The following SLC7A14 variants were observed in gnomAD, a reference collection of about 807,000 sequenced individuals.
SLC7A14 encodes solute carrier family 7 member 14, also known as gamma-aminobutyric acid transporter SLC7A14.
A neutral mutation model predicts 60.2 loss-of-function variants in SLC7A14; 37 were observed. The ratio of observed to expected loss-of-function variants is 0.61; its 90% confidence interval spans 0.47 to 0.81. The LOEUF (loss-of-function observed/expected upper bound fraction) is 0.81. SLC7A14 is among the 30% of genes least tolerant of loss of function. The pLI is 0.00. For missense variants in SLC7A14, 886 were observed against 982.7 expected (o/e 0.90, Z 1.32); for synonymous variants, 399 against 395.8 (o/e 1.01, Z -0.10).
intron 1 of SLC7A14, among the ~76,000 whole-genome samples, chr3:170,534,462 G>A (rs1237450055): frequency 6.6e-6 from 1 of 152,156 alleles, no homozygotes; most frequent in Non-Finnish European, 1.5e-5. Flanking sequence ...CATGGCACAG[G>A]GCGAAGTTGT....
rs139020669 is a variant in SLC7A14, at chr3:170,502,611, T to C, written c.305-1266A>G. Among the ~76,000 whole-genome samples, 259 of 152,278 alleles carry C rather than the reference T, an allele frequency of 1.7e-3. 1 individual carries two copies. Among genetic ancestry groups the C allele is most frequent in the African/African-American group, 4.8e-3 (201 of 41,548 alleles). On this transcript the variant is annotated intron_variant, in intron 2 of 7. Coordinates refer to ENST00000231706, the MANE Select transcript of SLC7A14 (RefSeq NM_020949.3). ...TCAAAGTCAACTTTACCTTCAGTCC[T>C]AATTTTGTTAAGGGCCAACCCTGAA...
At chr3:170,551,763 ATTCT>A (rs1386978740) in intron 1 of SLC7A14, among the ~76,000 whole-genome samples, 1 of 152,168 alleles carries the variant, frequency 6.6e-6, no homozygotes, top group Non-Finnish European at 1.5e-5. Flanking sequence ...GAGTCATAAG[ATTCT>A]TTATATATTC....
intron 5 of SLC7A14, among the ~76,000 whole-genome samples, chr3:170,485,601 T>G (rs1560253744): frequency 6.6e-6 from 1 of 151,584 alleles, no homozygotes; most frequent in East Asian, 1.9e-4. Context: ...GCATGAGGAG[T>G]GTCTCAGGGG....
At chr3:170,563,104 A>C (rs948455029) in intron 1 of SLC7A14, among the ~76,000 whole-genome samples, 42 of 152,216 alleles carry the variant, frequency 2.8e-4, no homozygotes, top group African/African-American at 9.9e-4. Flanking sequence ...TTAATGGTTA[A>C]TGTGCTGACC....
intron 1 of SLC7A14, among the ~76,000 whole-genome samples, chr3:170,564,021 T>C (rs2108311653): frequency 6.6e-6 from 1 of 152,322 alleles, no homozygotes; most frequent in East Asian, 1.9e-4. Flanking sequence ...GAGCTATGTG[T>C]GGGTGTGTAA....
intron 1 of SLC7A14, among the ~76,000 whole-genome samples, chr3:170,563,568 C>T (rs1182396869): frequency 6.6e-6 from 1 of 152,024 alleles, no homozygotes; most frequent in African/African-American, 2.4e-5. Context: ...CAGGCACCCA[C>T]CATCATGCCC....
In SLC7A14 at chr3:170,460,753, AT is replaced by A. The variant is rs1187924616; in HGVS notation, c.*6301del. ...AGGCTGCCCCTGTTTCCTAGCTCTA[AT>A]ATAAGCCATTTTCTTTCCTTATGTG... On this transcript the variant is annotated 3_prime_UTR_variant, in exon 8 of 8. Coordinates refer to ENST00000231706, the MANE Select transcript of SLC7A14 (RefSeq NM_020949.3). The A allele has an allele frequency of 6.6e-6, 1 of 151,998 alleles. No individual in the cohort carries two copies. Among genetic ancestry groups the A allele is most frequent in the Non-Finnish European group, 1.5e-5 (1 of 68,006 alleles). The allele number at this position is 151,998 out of a possible 1,614,324, so 9.4% of individuals were successfully genotyped here. A position where few individuals can be genotyped will look rare whatever the true frequency, so the allele number is the denominator to read the frequency against.
At chr3:170,483,765 C>T (rs1264697700) in intron 5 of SLC7A14, among the ~76,000 whole-genome samples, 1 of 152,192 alleles carries the variant, frequency 6.6e-6, no homozygotes, top group East Asian at 1.9e-4. Flanking sequence ...TCTCTCTGGT[C>T]CTTTGATATC....
intron 7 of SLC7A14, 77 bp downstream of exon 7, chr3:170,480,212 G>T (rs749664651): frequency 1.7e-4 from 242 of 1,435,752 alleles, no homozygotes; most frequent in South Asian, 5.1e-4. Context: ...GCCTAGTCCA[G>T]CTAGGAGGTA....
chr3:170,576,849 A>G (rs1288636264), intron 1 of SLC7A14, among the ~76,000 whole-genome samples: 1 of 152,188 alleles, frequency 6.6e-6, no homozygotes, highest in East Asian at 1.9e-4. Context: ...AGTATCTGTG[A>G]CAATATAAAA....
At position 170,501,166 on chromosome 3, in the gene SLC7A14, C is replaced by T; in HGVS notation, c.484G>A (p.Ala162Thr). 1 of 1,614,208 alleles carries T rather than the reference C, an allele frequency of 6.2e-7. No individual in the cohort carries two copies. Residue 162 changes from alanine (A) to threonine (T), a missense_variant, in exon 3 of 8, where the codon GCC (alanine) becomes ACC (threonine). By Grantham distance (58) the Ala-to-Thr change is moderately conservative. Transcript: ENST00000231706. The stretch of plus-strand genomic sequence containing the variant: ...ATCCAGCGGCTGATGGTGTGGTTGG[C>T]TAGTGAGTCAAACATGCTGCTCAGA... ...SALSSMFDSL[A>T]NHTISRWMAD...
At chr3:170,487,395 T>G (rs1712069617) in intron 4 of SLC7A14, among the ~76,000 whole-genome samples, 1 of 151,750 alleles carries the variant, frequency 6.6e-6, no homozygotes, top group Admixed American at 6.6e-5. Flanking sequence ...AGGTGAGAGA[T>G]ATTTTTGGAC....
chr3:170,578,093 A>T (rs1192357424), intron 1 of SLC7A14, among the ~76,000 whole-genome samples: 2 of 152,232 alleles, frequency 1.3e-5, no homozygotes, highest in African/African-American at 4.8e-5. Flanking sequence ...CTGAACAGTA[A>T]AGATGTGGTG....
intron 1 of SLC7A14, among the ~76,000 whole-genome samples, chr3:170,539,887 TAAC>T (rs1265489300): frequency 2.0e-5 from 3 of 152,188 alleles, no homozygotes; most frequent in African/African-American, 7.2e-5. Flanking sequence ...AGTAAGAGAT[TAAC>T]AACAATAACT....
intron 4 of SLC7A14, among the ~76,000 whole-genome samples, chr3:170,497,582 T>A (rs184475587): frequency 1.0e-3 from 154 of 152,344 alleles, no homozygotes; most frequent in Middle Eastern, 3.4e-3. Context: ...CTAGGCAGAC[T>A]TGCCTCTCTC....
chr3:170,534,874 T>C lies in SLC7A14; in HGVS notation c.-152-7786A>G, dbSNP rs528672342. ...GTTTCCCATTCTGCTCCCCTGTTTG[T>C]CAACACTCCAGAGTTGCGAATACTC... On this transcript the variant is annotated intron_variant, in intron 1 of 7. Coordinates refer to ENST00000231706, the MANE Select transcript of SLC7A14 (RefSeq NM_020949.3). 2.0e-5 allele frequency among the ~76,000 whole-genome samples: 3 copies of C among 152,336 alleles called. No homozygotes were observed. The East Asian group carries it at 5.8e-4, about 29-fold the overall frequency.
At chr3:170,507,954 A>C (rs56399006) in intron 2 of SLC7A14, among the ~76,000 whole-genome samples, 5 of 152,098 alleles carry the variant, frequency 3.3e-5, no homozygotes, top group Admixed American at 6.5e-5. Flanking sequence ...TCAGTTGCTC[A>C]TCAGAGTTGT....
At chr3:170,528,194 CA>C (rs1713567144) in intron 1 of SLC7A14, among the ~76,000 whole-genome samples, 1 of 152,084 alleles carries the variant, frequency 6.6e-6, no homozygotes, top group Non-Finnish European at 1.5e-5. Flanking sequence ...TCAATAATTT[CA>C]CTTCAGGATA....
Position 170,532,878 on chromosome 3 carries a change from A to G in SLC7A14, c.-152-5790T>C, listed in dbSNP as rs981808195. Among the ~76,000 whole-genome samples the G allele has an allele frequency of 6.6e-6, 1 of 151,914 alleles. No individual in the cohort carries two copies. Among genetic ancestry groups the G allele is most frequent in the African/African-American group, 2.4e-5 (1 of 41,364 alleles). ...AGGGATTCTTATTTACCTTTCTCAA[A>G]CTTGTGGAGAACGGCTTTCCTCTTT... is the stretch of plus-strand genomic sequence containing the variant. On this transcript the variant is annotated intron_variant, in intron 1 of 7. Transcript: ENST00000231706. The surrounding 1 kb of genome is among the most constrained non-coding windows in gnomAD (Gnocchi z 4.0).
Sources: gnomAD v4.1 joint callset for allele counts (sites outside exome capture counted in the v4.1 genomes callset) on GRCh38, gnomAD v4.1.1 for gene constraint, Gnocchi (gnomAD v3.1) non-coding constraint, MANE v1.5 for transcripts, NCBI Gene and HGNC (gene_info 2026-07-23, HGNC 2026-07-21) for gene names.